MYO18B: variants seen among roughly 807,000 people sequenced by gnomAD.
MYO18B encodes myosin XVIIIB, also known as unconventional myosin-XVIIIb.
A neutral mutation model predicts 273.0 loss-of-function variants in MYO18B; 204 were observed. The observed-to-expected ratio is 0.75, with a 90% CI of 0.67 to 0.84. The LOEUF (loss-of-function observed/expected upper bound fraction) is 0.84, where lower values mean the gene tolerates loss of function less well. Among genes scored for constraint, MYO18B ranks in the 40% least tolerant of loss-of-function variants. The pLI is 0.00. For missense variants in MYO18B, 3,212 were observed against 3,287.6 expected (o/e 0.98, Z 0.56); for synonymous variants, 1,330 against 1,305.7 (o/e 1.02, Z -0.40).
intron 40 of MYO18B, among the ~76,000 whole-genome samples, chr22:25,997,932 A>AACACACACACACAC (rs3070628): frequency 0.1 from 14,389 of 143,848 alleles, 723 homozygotes; most frequent in Middle Eastern, 0.12. Context: ...CCAGGAGAGA[A>AACACACACACACAC]ACACACACAC....
At chr22:25,865,228 A>AT (rs1645535809) in intron 21 of MYO18B, among the ~76,000 whole-genome samples, 1 of 152,250 alleles carries the variant, frequency 6.6e-6, no homozygotes, top group African/African-American at 2.4e-5. Flanking sequence ...CAGTTGTATA[A>AT]TTTAATACCT....
At chr22:25,845,322 TC>T (rs1415014878) in intron 18 of MYO18B, among the ~76,000 whole-genome samples, 1 of 152,082 alleles carries the variant, frequency 6.6e-6, no homozygotes, top group Non-Finnish European at 1.5e-5. Flanking sequence ...ATCGAGACCA[TC>T]CTGGCCAACA....
intron 39 of MYO18B, among the ~76,000 whole-genome samples, chr22:25,972,800 A>T (rs1484146694): frequency 6.6e-6 from 1 of 152,068 alleles, no homozygotes; most frequent in Non-Finnish European, 1.5e-5. Flanking sequence ...TACTAAAAAT[A>T]CAAAAATTAC....
chr22:25,996,183 T>C (rs1296900532), intron 40 of MYO18B, among the ~76,000 whole-genome samples: 1 of 152,226 alleles, frequency 6.6e-6, no homozygotes, highest in East Asian at 1.9e-4. Context: ...CCTCCGTCTC[T>C]TTGAGTCTAA....
the MYO18B span, among the ~76,000 whole-genome samples, chr22:26,048,508 G>T: frequency 6.6e-6 from 1 of 152,054 alleles, no homozygotes; most frequent in Admixed American, 6.6e-5. Flanking sequence ...CCTGCCTGTG[G>T]GGTCTTTCTC....
At chr22:25,992,285 G>A (rs554765938) in intron 39 of MYO18B, 78 bp from the exon 40 acceptor site, 67 of 1,561,266 alleles carry the variant, frequency 4.3e-5, no homozygotes, top group Admixed American at 3.6e-4. Context: ...AGCCTGGGGC[G>A]TGTCTCTTCC....
rs1031780233 is a variant in MYO18B, at chr22:25,903,939, A to G, written c.5148+108A>G. 347 of 1,168,358 alleles carry G rather than the reference A, an allele frequency of 3.0e-4. 1 individual carries two copies. Among genetic ancestry groups the G allele is most frequent in the Non-Finnish European group, 3.9e-4 (320 of 829,516 alleles). The allele number at this position is 1,168,358 out of a possible 1,614,324, so 72.4% of individuals were successfully genotyped here. On this transcript the variant is annotated intron_variant, in intron 31 of 43. Coordinates refer to ENST00000335473, the MANE Select transcript of MYO18B (RefSeq NM_032608.7). ...TCACTTGGCTGCTCCTCATCCTTCA[A>G]TGGCTCCCTATTATCCCAGGGAACC...
intron 17 of MYO18B, among the ~76,000 whole-genome samples, chr22:25,836,773 C>T (rs538006123): frequency 6.6e-6 from 1 of 151,998 alleles, no homozygotes; most frequent in African/African-American, 2.4e-5. Context: ...CCAGCATGGC[C>T]AACGTGGTGA....
intron 1 of MYO18B, among the ~76,000 whole-genome samples, chr22:25,759,658 T>TAA (rs1307644116): frequency 6.6e-6 from 1 of 152,200 alleles, no homozygotes. Flanking sequence ...TCCCAGAACT[T>TAA]AAAGTATAAT....
chr22:25,770,248 G>A, intron 5 of MYO18B, 72 bp downstream of exon 5: 2 of 1,471,558 alleles, frequency 1.4e-6, no homozygotes. Flanking sequence ...CCAGCCATAT[G>A]TTCCAGGTCC....
intron 39 of MYO18B, among the ~76,000 whole-genome samples, chr22:25,985,791 G>A (rs896025213): frequency 3.3e-5 from 5 of 151,932 alleles, no homozygotes; most frequent in Admixed American, 1.3e-4. Flanking sequence ...CACCACACTC[G>A]GCTAAATTTT....
Position 25,895,269 on chromosome 22 carries a change from C to A in MYO18B, c.4657C>A (p.Leu1553Met). 6.2e-7 allele frequency: 1 copy of A among 1,600,156 alleles called. No individual in the cohort carries two copies. The highest frequency in any genetic ancestry group is 1.3e-5 in the African/African-American group (1 of 74,828). ...LDSELTARKE[L>M]EQKLGELQSA... ...CTCGGAGCTGACAGCCAGGAAAGAG[C>A]TGGAGCAAAAGGTAAGATGTGGGGA... Residue 1553 changes from leucine (L) to methionine (M), a missense_variant, in exon 28 of 44, where the codon CTG becomes ATG. By Grantham distance (15) the Leu-to-Met change is conservative. Coordinates refer to ENST00000335473, the MANE Select transcript of MYO18B (RefSeq NM_032608.7).
Position 25,921,760 on chromosome 22 carries a change from G to A in MYO18B, c.5517+351G>A, listed in dbSNP as rs543585325. Among the ~76,000 whole-genome samples the A allele has an allele frequency of 1.5e-4, 23 of 148,400 alleles. No homozygotes were observed. In the Middle Eastern group the frequency reaches 0.021, roughly 133 times the overall value. ...TGTGTGTATGTGTATGTGTGTATGC[G>A]TGTATGCGTGTGTGTGTGGTGACTG... is the stretch of plus-strand genomic sequence containing the variant. On this transcript the variant is annotated intron_variant, in intron 34 of 43. Transcript: ENST00000335473.
At chr22:25,742,612 C>T (rs1317340220) in intron 1 of MYO18B, among the ~76,000 whole-genome samples, 2 of 152,296 alleles carry the variant, frequency 1.3e-5, no homozygotes, top group East Asian at 1.9e-4. Flanking sequence ...ATGAGTTAAT[C>T]TCCACTGTGA....
At chr22:25,995,888 A>T (rs1307502922) in intron 40 of MYO18B, among the ~76,000 whole-genome samples, 2 of 152,086 alleles carry the variant, frequency 1.3e-5, no homozygotes, top group Non-Finnish European at 2.9e-5. Flanking sequence ...CCTTGACTGG[A>T]TCTCTAGTTT....
At chr22:25,860,123 C>A (rs147361499) in intron 21 of MYO18B, among the ~76,000 whole-genome samples, 37 of 152,252 alleles carry the variant, frequency 2.4e-4, no homozygotes, top group Middle Eastern at 3.4e-3. Flanking sequence ...GTGTTGGAAC[C>A]TTTGTCAAAC....
At position 26,013,066 on chromosome 22, in the gene MYO18B, T is replaced by C. The variant is rs557766909; in HGVS notation, c.6470+8211T>C. Reference sequence around the variant, plus strand: ...TTTTTGAACTGTGTAAATGGAAGCATCCAGTATGTCCTCTTTTGTGTCTGG... The same window carrying C: ...TTTTTGAACTGTGTAAATGGAAGCACCCAGTATGTCCTCTTTTGTGTCTGG... On this transcript the variant is annotated intron_variant, in intron 42 of 43. Transcript: ENST00000335473. Among the ~76,000 whole-genome samples the C allele has an allele frequency of 5.3e-5, 8 of 151,958 alleles. No individual in the cohort carries two copies. In the East Asian group the frequency reaches 1.5e-3, roughly 29 times the overall value.
chr22:25,944,124 G>T lies in MYO18B; in HGVS notation c.5518-2013G>T, dbSNP rs192011280. Among the ~76,000 whole-genome samples, 9 of 152,286 alleles carry T rather than the reference G, an allele frequency of 5.9e-5. No individual in the cohort carries two copies. The East Asian group carries it at 1.7e-3, about 29-fold the overall frequency. The stretch of plus-strand genomic sequence containing the variant: ...TTTTGCCCTGCCTGCCTTCAGGGCA[G>T]CCCTATCACCCACCTCCTAGCCATG... On this transcript the variant is annotated intron_variant, in intron 34 of 43. Coordinates refer to ENST00000335473, the MANE Select transcript of MYO18B (RefSeq NM_032608.7).
intron 17 of MYO18B, among the ~76,000 whole-genome samples, chr22:25,836,469 A>G (rs565547174): frequency 6.6e-6 from 1 of 152,312 alleles, no homozygotes; most frequent in African/African-American, 2.4e-5. Context: ...CTGCACTCAG[A>G]GCAGCATACG....
Sources: gnomAD v4.1 joint callset for allele counts (sites outside exome capture counted in the v4.1 genomes callset) on GRCh38, gnomAD v4.1.1 for gene constraint, MANE v1.5 for transcripts, NCBI Gene and HGNC (gene_info 2026-07-23, HGNC 2026-07-21) for gene names.